PRMT7: variants seen among roughly 807,000 people sequenced by gnomAD.
PRMT7 encodes the protein protein arginine methyltransferase 7, also known as protein arginine N-methyltransferase 7.
In PRMT7, 75 loss-of-function variants were observed where a neutral mutation model predicts 85.4. The observed-to-expected ratio is 0.88, with a 90% CI of 0.73 to 1.06. The LOEUF is 1.06. Ranked by LOEUF, PRMT7 falls within the 50% of genes least tolerant of loss-of-function variation. PRMT7 has a pLI of 0.00. For missense variants in PRMT7, 868 were observed against 915.2 expected (o/e 0.95, Z 0.67); for synonymous variants, 397 against 359.5 (o/e 1.10, Z -1.18).
intron 5 of PRMT7, 173 bp downstream of exon 5, chr16:68,325,005 G>A (rs966241845): frequency 1.3e-6 from 1 of 773,498 alleles, no homozygotes; most frequent in African/African-American, 1.8e-5. Context: ...CCTTCCTCCA[G>A]GAGCTAATTT....
intron 5 of PRMT7, among the ~76,000 whole-genome samples, chr16:68,326,059 A>T (rs1264212151): frequency 2.0e-5 from 3 of 152,230 alleles, no homozygotes; most frequent in Non-Finnish European, 4.4e-5. Context: ...TTTTTCTCAT[A>T]AAACAAATAA....
chr16:68,335,504 C>G (rs2084539633), intron 6 of PRMT7, among the ~76,000 whole-genome samples: 1 of 151,862 alleles, frequency 6.6e-6, no homozygotes, highest in African/African-American at 2.4e-5. Flanking sequence ...AGGGTGGTCT[C>G]TGTGGCAGAA....
Position 68,318,136 on chromosome 16 carries a change from T to C in PRMT7, c.95+2062T>C, listed in dbSNP as rs184479580. ...ACAGTATAATACAATTATCTTAGAA[T>C]TGTTTGATGATTAAATGTAATACAG... On this transcript the variant is annotated intron_variant, in intron 3 of 18. Coordinates refer to ENST00000441236, the MANE Select transcript of PRMT7 (RefSeq NM_019023.5). Among the ~76,000 whole-genome samples, 785 of 152,188 alleles carry C rather than the reference T, an allele frequency of 5.2e-3. 4 individuals are homozygous for C. Among genetic ancestry groups the C allele is most frequent in the African/African-American group, 0.019 (771 of 41,530 alleles).
chr16:68,334,153 C>G (rs2084324787), intron 6 of PRMT7, among the ~76,000 whole-genome samples: 1 of 152,322 alleles, frequency 6.6e-6, no homozygotes, highest in South Asian at 2.1e-4. Context: ...GTCTGTATCC[C>G]CACCCAGCTG....
rs898968482 is a variant in PRMT7, at chr16:68,311,053, G to A, written c.-265G>A. On this transcript the variant is annotated 5_prime_UTR_variant, in exon 1 of 19. Transcript: ENST00000441236. ...AGGTCCCGCCCCGCGTGCTGGCCGCGGTAAAAGTGGTAGCAGCGGAGGCGA... is the reference window on the plus strand; with the variant it reads ...AGGTCCCGCCCCGCGTGCTGGCCGCAGTAAAAGTGGTAGCAGCGGAGGCGA... The A allele has an allele frequency of 1.0e-5, 9 of 857,286 alleles. No homozygotes were observed. The East Asian group carries it at 2.1e-4, about 20-fold the overall frequency. 53.1% of individuals were successfully genotyped at this position (857,286 alleles called of 1,614,324 possible).
intron 4 of PRMT7, 81 bp downstream of exon 4, chr16:68,321,543 G>C (rs538255477): frequency 1.1e-4 from 150 of 1,357,156 alleles, no homozygotes; most frequent in Non-Finnish European, 3.1e-6. Flanking sequence ...ATCCCTGGGG[G>C]TCATGATGTT....
intron 3 of PRMT7, among the ~76,000 whole-genome samples, chr16:68,320,443 A>C (rs1405836752): frequency 6.6e-6 from 1 of 152,174 alleles, no homozygotes; most frequent in Non-Finnish European, 1.5e-5. Flanking sequence ...ATAGATTAAA[A>C]CGGGAAACAA....
At chr16:68,329,995 G>A (rs139935891) in intron 6 of PRMT7, among the ~76,000 whole-genome samples, 2,037 of 152,112 alleles carry the variant, frequency 0.013, 53 homozygotes, top group African/African-American at 0.047. Flanking sequence ...CTGGGTACAA[G>A]TGATTCTCCT....
intron 4 of PRMT7, chr16:68,322,425 T>A (rs751608942): frequency 4.4e-6 from 2 of 450,132 alleles, no homozygotes; most frequent in South Asian, 3.1e-5. Context: ...CTTGATCCCC[T>A]GAGGTCAAGT....
At chr16:68,328,172 C>T (rs548644754) in intron 5 of PRMT7, 6 of 281,236 alleles carry the variant, frequency 2.1e-5, no homozygotes, top group South Asian at 1.1e-4. Context: ...TGACCAACCC[C>T]AGCTTCAGGA....
At chr16:68,360,228 G>GA (rs1314254060), downstream of PRMT7, 1 of 152,540 alleles carries the variant, frequency 6.6e-6, no homozygotes, top group Admixed American at 6.5e-5. Flanking sequence ...TCCCGTGGGG[G>GA]AGAGGATTGG....
At chr16:68,348,228 A>G (rs2086695797) in intron 13 of PRMT7, 114 bp from the exon 14 acceptor site, 3 of 888,166 alleles carry the variant, frequency 3.4e-6, no homozygotes. Context: ...GTGGTGTTCC[A>G]GAACCATTTG....
At chr16:68,335,138 T>C (rs1195860603) in intron 6 of PRMT7, among the ~76,000 whole-genome samples, 1 of 152,184 alleles carries the variant, frequency 6.6e-6, no homozygotes, top group African/African-American at 2.4e-5. Flanking sequence ...CTATAAAGCA[T>C]TTTAAGTTAT....
Position 68,339,881 on chromosome 16 carries a change from G to A in PRMT7, c.840G>A (p.Ser280=), listed in dbSNP as rs141861333. ...CTGGCCGAGCTCAGGTGGTTCTCTC[G>A]TGGTGGGACATTGAAATGGACCCTG... ...LTSGRAQVVL[S]WWDIEMDPEG... is the part of the protein sequence containing the mutation. Residue 280 remains serine (S), a synonymous_variant, in exon 9 of 19, where the codon TCG becomes TCA. Transcript: ENST00000441236. 8.9e-5 allele frequency: 143 copies of A among 1,614,040 alleles called. No homozygotes were observed. The highest frequency in any genetic ancestry group is 1.1e-4 in the Non-Finnish European group (135 of 1,180,040).
chr16:68,355,662 C>A, intron 16 of PRMT7, 61 bp from the exon 17 acceptor site: 2 of 1,419,242 alleles, frequency 1.4e-6, no homozygotes, highest in East Asian at 2.7e-5. Flanking sequence ...AGCCGGGGAG[C>A]GGTACCTCTG....
At chr16:68,353,461 G>T in intron 15 of PRMT7, 31 bp from the exon 16 acceptor site, 1 of 1,609,940 alleles carries the variant, frequency 6.2e-7, no homozygotes, top group Non-Finnish European at 8.5e-7. Context: ...CCTGGCGGGC[G>T]GGTGTGGACG....
chr16:68,319,711 AGTGTGTGTGT>A (rs369478826), intron 3 of PRMT7, among the ~76,000 whole-genome samples: 10 of 141,446 alleles, frequency 7.1e-5, no homozygotes, highest in South Asian at 2.3e-4. Context: ...TAAGAGTGAG[AGTGTGTGTGT>A]GTGTGTGTGT....
At chr16:68,348,241 G>A (rs540429654) in intron 13 of PRMT7, 101 bp from the exon 14 acceptor site, 88 of 1,018,818 alleles carry the variant, frequency 8.6e-5, no homozygotes, top group East Asian at 4.9e-5. Context: ...ACCATTTGCC[G>A]GAAAATTCAA....
intron 4 of PRMT7, 54 bp from the exon 5 acceptor site, chr16:68,324,629 C>T: frequency 3.7e-6 from 6 of 1,602,164 alleles, no homozygotes; most frequent in East Asian, 2.2e-5. Flanking sequence ...TTGCAAAGCA[C>T]CTTTCCACTT....
Sources: gnomAD v4.1 joint callset for allele counts (sites outside exome capture counted in the v4.1 genomes callset) on GRCh38, gnomAD v4.1.1 for gene constraint, MANE v1.5 for transcripts, NCBI Gene and HGNC (gene_info 2026-07-23, HGNC 2026-07-21) for gene names.